Variants in CPNE8 observed in about 807,000 individuals in gnomAD.
CPNE8 encodes the protein copine-8.
In CPNE8, 45 loss-of-function variants were observed where a neutral mutation model predicts 81.5. The ratio of observed to expected loss-of-function variants is 0.55; its 90% CI spans 0.44 to 0.71. The LOEUF (loss-of-function observed/expected upper bound fraction) is 0.71, where lower values mean the gene tolerates loss of function less well. CPNE8 is among the 30% of genes least tolerant of loss of function. The pLI, the probability that CPNE8 is intolerant of heterozygous loss-of-function variation, is 0.00. For missense variants in CPNE8, 594 were observed against 672.1 expected (o/e 0.88, Z 1.28); for synonymous variants, 252 against 226.3 (o/e 1.11, Z -1.02).
chr12:38,724,381 T>G (rs1940644536), intron 12 of CPNE8, among the ~76,000 whole-genome samples: 1 of 152,202 alleles, frequency 6.6e-6, no homozygotes, highest in African/African-American at 2.4e-5. Flanking sequence ...TTTATATTTT[T>G]TGATACATCT....
chr12:38,778,973 G>A (rs79556931), intron 6 of CPNE8, among the ~76,000 whole-genome samples: 7,728 of 152,070 alleles, frequency 0.051, 373 homozygotes, highest in East Asian at 0.28. Context: ...ATATAGCATG[G>A]CACATTTTGT....
At chr12:38,772,918 A>G (rs1941834514) in intron 7 of CPNE8, among the ~76,000 whole-genome samples, 1 of 131,122 alleles carries the variant, frequency 7.6e-6, no homozygotes, top group African/African-American at 2.7e-5. Flanking sequence ...TTATATATAT[A>G]TAAAATTTAT....
intron 6 of CPNE8, among the ~76,000 whole-genome samples, chr12:38,817,740 C>T (rs986399008): frequency 1.3e-5 from 2 of 150,140 alleles, no homozygotes; most frequent in Non-Finnish European, 3.0e-5. Flanking sequence ...TCTCCTGCCT[C>T]AGCCTCCCGA....
intron 6 of CPNE8, among the ~76,000 whole-genome samples, chr12:38,779,394 T>C (rs1941999132): frequency 6.6e-6 from 1 of 152,130 alleles, no homozygotes. Context: ...ACCCACAGCA[T>C]AAAGCTTATA....
At chr12:38,874,378 G>A in intron 2 of CPNE8, 93 bp downstream of exon 2, 2 of 915,300 alleles carry the variant, frequency 2.2e-6, no homozygotes, top group East Asian at 5.0e-5. Flanking sequence ...TGCTTTCTAG[G>A]CTTTAAAACA....
Position 38,774,104 on chromosome 12 carries a change from C to T in CPNE8, c.471+2134G>A, listed in dbSNP as rs569468626. ...ACACATTCCCTTTCATTTACTAAGG[C>T]CTGGTAAAAGAATTTTCCCGGCTCT... On this transcript the variant is annotated intron_variant, in intron 7 of 19. Transcript: ENST00000331366. Among the ~76,000 whole-genome samples the T allele has an allele frequency of 5.3e-5, 8 of 152,170 alleles. No homozygotes were observed. The South Asian group carries it at 1.7e-3, about 32-fold the overall frequency.
intron 4 of CPNE8, 69 bp from the exon 5 acceptor site, chr12:38,840,024 CCAAAA>C (rs1943443439): frequency 1.5e-6 from 2 of 1,375,928 alleles, no homozygotes; most frequent in Admixed American, 4.7e-5. Context: ...CCAGTATTTT[CCAAAA>C]CACATAAATA....
At chr12:38,675,917 T>A (rs1204236655) in intron 17 of CPNE8, 143 bp from the exon 18 acceptor site, 1 of 626,950 alleles carries the variant, frequency 1.6e-6, no homozygotes, top group Non-Finnish European at 2.8e-6. Context: ...GCCAGGAGTT[T>A]GAGAACAGCC....
intron 1 of CPNE8, among the ~76,000 whole-genome samples, chr12:38,879,467 G>A (rs1565659842): frequency 6.6e-6 from 1 of 151,978 alleles, no homozygotes; most frequent in Non-Finnish European, 1.5e-5. Flanking sequence ...AAAAAGCTAA[G>A]TATTTTGTCT....
intron 3 of CPNE8, among the ~76,000 whole-genome samples, chr12:38,863,497 G>A (rs1241515611): frequency 6.6e-6 from 1 of 152,090 alleles, no homozygotes; most frequent in African/African-American, 2.4e-5. Context: ...AACAACAAAA[G>A]CTACAAGTTT....
intron 1 of CPNE8, among the ~76,000 whole-genome samples, chr12:38,885,206 C>T (rs1397582678): frequency 6.6e-6 from 1 of 151,854 alleles, no homozygotes; most frequent in East Asian, 1.9e-4. Flanking sequence ...ACTCAAAATG[C>T]AACATTTGTT....
At chr12:38,906,704 C>T, upstream of CPNE8, 2 of 638,384 alleles carry the variant, frequency 3.1e-6, no homozygotes, top group Non-Finnish European at 3.9e-6. Context: ...GTAGACGAGG[C>T]GCCCCTCCAC....
chr12:38,833,095 G>C (rs1364793341), intron 5 of CPNE8, among the ~76,000 whole-genome samples: 1 of 152,038 alleles, frequency 6.6e-6, no homozygotes, highest in Admixed American at 6.5e-5. Context: ...GCTCACACCT[G>C]TAATCCCAGC....
At chr12:38,872,811 G>A (rs1423746847) in intron 3 of CPNE8, among the ~76,000 whole-genome samples, 193 bp downstream of exon 3, 2 of 152,128 alleles carry the variant, frequency 1.3e-5, no homozygotes, top group African/African-American at 4.8e-5. Flanking sequence ...TATCTCACAA[G>A]AAGGTCATAA....
intron 3 of CPNE8, among the ~76,000 whole-genome samples, chr12:38,866,524 T>C (rs1592145123): frequency 6.6e-6 from 1 of 152,234 alleles, no homozygotes; most frequent in African/African-American, 2.4e-5. Flanking sequence ...TGTTTCATCA[T>C]AGTATTTCTC....
intron 8 of CPNE8, among the ~76,000 whole-genome samples, chr12:38,765,064 A>T (rs1408718072): frequency 6.6e-6 from 1 of 152,198 alleles, no homozygotes; most frequent in African/African-American, 2.4e-5. Flanking sequence ...ATTTCCTCTG[A>T]GGGAAGGCAT....
intron 4 of CPNE8, among the ~76,000 whole-genome samples, chr12:38,844,083 A>G (rs1943515136): frequency 6.6e-6 from 1 of 152,174 alleles, no homozygotes; most frequent in Non-Finnish European, 1.5e-5. Context: ...AAATAAAACA[A>G]CTTATTTTTC....
chr12:38,905,042 G>A (rs1288491795), intron 1 of CPNE8, among the ~76,000 whole-genome samples: 1 of 152,082 alleles, frequency 6.6e-6, no homozygotes, highest in Admixed American at 6.5e-5. Flanking sequence ...AGGAAGTCCC[G>A]GGCCTAAGCG....
intron 6 of CPNE8, among the ~76,000 whole-genome samples, chr12:38,817,499 C>T (rs1185208706): frequency 6.6e-6 from 1 of 151,884 alleles, no homozygotes; most frequent in Non-Finnish European, 1.5e-5. Context: ...AATGGGTGTT[C>T]CCTGGGAGCT....
Sources: allele counts gnomAD v4.1 joint callset (sites outside exome capture counted in the v4.1 genomes callset), GRCh38; gene constraint gnomAD v4.1.1; transcripts MANE v1.5; gene names NCBI Gene and HGNC (gene_info 2026-07-23, HGNC 2026-07-21).